Variants in EPB41L2 observed in about 807,000 individuals in gnomAD.
EPB41L2 encodes the protein erythrocyte membrane protein band 4.1 like 2.
EPB41L2 carries 43 observed loss-of-function variants against 113.0 expected under a neutral mutation model. The ratio of observed to expected loss-of-function variants is 0.38; its 90% confidence interval spans 0.30 to 0.49. The LOEUF is 0.49. Among genes scored for constraint, EPB41L2 ranks in the 20% least tolerant of loss-of-function variants. The pLI is 0.95. For synonymous variants in EPB41L2, 442 were observed against 436.7 expected, an observed-to-expected ratio of 1.01 and a Z score of -0.15; for missense variants, 1,147 against 1,223.4, an observed-to-expected ratio of 0.94 and a Z score of 0.93.
intron 18 of EPB41L2, among the ~76,000 whole-genome samples, chr6:130,859,408 T>G (rs1352894853): frequency 6.6e-6 from 1 of 151,036 alleles, no homozygotes; most frequent in African/African-American, 2.4e-5. Context: ...GCTACTTAGG[T>G]GGCTGAGGCA....
chr6:130,842,538 T>G (rs915125427), intron 19 of EPB41L2, among the ~76,000 whole-genome samples: 4 of 152,102 alleles, frequency 2.6e-5, no homozygotes, highest in Admixed American at 2.0e-4. Flanking sequence ...GTTTATGTTA[T>G]TAAAAAAACA....
chr6:130,924,738 T>C (rs1261293575), intron 4 of EPB41L2, among the ~76,000 whole-genome samples: 2 of 152,208 alleles, frequency 1.3e-5, no homozygotes, highest in Non-Finnish European at 2.9e-5. Context: ...AGTGGTTGTA[T>C]CAGTTTACCT....
intron 1 of EPB41L2, among the ~76,000 whole-genome samples, chr6:130,962,020 G>A (rs1038874971): frequency 6.6e-6 from 1 of 152,128 alleles, no homozygotes; most frequent in South Asian, 2.1e-4. Context: ...TCTGCTTGTG[G>A]GTAGAGGATA....
chr6:130,950,987 T>C (rs886416709), intron 3 of EPB41L2, among the ~76,000 whole-genome samples: 8 of 152,232 alleles, frequency 5.3e-5, no homozygotes, highest in African/African-American at 1.2e-4. Context: ...AGAAATAATA[T>C]TTATTTTTAA....
chr6:130,901,231 T>C (rs371530761), intron 6 of EPB41L2, 51 bp from the exon 7 acceptor site: 393 of 1,536,166 alleles, frequency 2.6e-4, no homozygotes, highest in Non-Finnish European at 3.2e-4. Flanking sequence ...TTAGGTGAGA[T>C]TGGAGCACTC....
At chr6:130,999,614 A>G (rs892567784) in intron 1 of EPB41L2, among the ~76,000 whole-genome samples, 2 of 152,180 alleles carry the variant, frequency 1.3e-5, no homozygotes. Context: ...CTTCTCATGG[A>G]TTAAGATTGG....
chr6:130,909,144 G>C (rs186517060), intron 4 of EPB41L2, among the ~76,000 whole-genome samples: 230 of 152,272 alleles, frequency 1.5e-3, no homozygotes, highest in African/African-American at 5.3e-3. Flanking sequence ...CAAATGATGA[G>C]ACATATCTTC....
chr6:131,048,147 AAAAAAAAAAAG>A (rs1795837454), intron 1 of EPB41L2, among the ~76,000 whole-genome samples: 1 of 140,958 alleles, frequency 7.1e-6, no homozygotes, highest in African/African-American at 2.5e-5. Flanking sequence ...TCAAAAAAAA[AAAAAAAAAAAG>A]AAAAAAAGAA....
At chr6:130,867,038 C>A (rs1263255358) in intron 16 of EPB41L2, among the ~76,000 whole-genome samples, 1 of 152,088 alleles carries the variant, frequency 6.6e-6, no homozygotes, top group Admixed American at 6.6e-5. Flanking sequence ...GGTCAATCTT[C>A]ACGGAGTTAG....
intron 18 of EPB41L2, among the ~76,000 whole-genome samples, chr6:130,862,670 C>T (rs1477746767): frequency 6.6e-6 from 1 of 152,154 alleles, no homozygotes; most frequent in African/African-American, 2.4e-5. Context: ...TTTAAAAGTA[C>T]ATTACGAATA....
chr6:130,841,760 G>A (rs1775583462), intron 19 of EPB41L2, among the ~76,000 whole-genome samples: 1 of 152,186 alleles, frequency 6.6e-6, no homozygotes, highest in African/African-American at 2.4e-5. Flanking sequence ...TTACAGCCTG[G>A]GTGAAGCATT....
At chr6:130,960,847 T>C (rs1334271966) in intron 1 of EPB41L2, among the ~76,000 whole-genome samples, 1 of 152,212 alleles carries the variant, frequency 6.6e-6, no homozygotes, top group Non-Finnish European at 1.5e-5. Context: ...TGAGAACTCT[T>C]GTAGTGGAAT....
chr6:131,005,152 A>G (rs1469726997), intron 1 of EPB41L2, among the ~76,000 whole-genome samples: 1 of 151,832 alleles, frequency 6.6e-6, no homozygotes, highest in Non-Finnish European at 1.5e-5. Context: ...AATTCCCAAG[A>G]CGGTGCTTAC....
intron 1 of EPB41L2, among the ~76,000 whole-genome samples, chr6:130,982,827 CAAAG>C (rs1467963949): frequency 6.6e-6 from 1 of 152,080 alleles, no homozygotes; most frequent in African/African-American, 2.4e-5. Flanking sequence ...ATTTTGTAGT[CAAAG>C]AAAATGAGGC....
intron 3 of EPB41L2, among the ~76,000 whole-genome samples, chr6:130,942,707 C>T (rs1811291293): frequency 6.6e-6 from 1 of 152,156 alleles, no homozygotes; most frequent in South Asian, 2.1e-4. Context: ...CACCCATTAA[C>T]CTGTCATCTA....
chr6:131,043,023 G>T (rs1470134782), intron 1 of EPB41L2, among the ~76,000 whole-genome samples: 4 of 152,196 alleles, frequency 2.6e-5, no homozygotes, highest in African/African-American at 9.7e-5. Context: ...CCGAGGCTGG[G>T]CAAGGTGGCT....
At chr6:131,034,674 T>C in intron 1 of EPB41L2, among the ~76,000 whole-genome samples, 1 of 152,224 alleles carries the variant, frequency 6.6e-6, no homozygotes, top group East Asian at 1.9e-4. Context: ...CTTGAACATG[T>C]CACTTATCCT....
At chr6:131,009,816 A>C (rs1471008432) in intron 1 of EPB41L2, among the ~76,000 whole-genome samples, 6 of 152,214 alleles carry the variant, frequency 3.9e-5, no homozygotes. Context: ...TTTTATGAAA[A>C]TGTTTGGTAA....
chr6:130,972,794 A>C (rs1306495779), intron 1 of EPB41L2, among the ~76,000 whole-genome samples: 2 of 152,068 alleles, frequency 1.3e-5, no homozygotes, highest in Non-Finnish European at 2.9e-5. Flanking sequence ...CTAGCAGAAA[A>C]AGTAAGGTTT....
Sources: gnomAD v4.1 joint callset for allele counts (sites outside exome capture counted in the v4.1 genomes callset) on GRCh38, gnomAD v4.1.1 for gene constraint, MANE v1.5 for transcripts, NCBI Gene and HGNC (gene_info 2026-07-23, HGNC 2026-07-21) for gene names.